Variants in FMN2 observed in about 807,000 individuals in gnomAD.
The protein encoded by FMN2 is formin-2.
Under a neutral mutation model 142.3 loss-of-function variants are expected in FMN2, and 51 were observed. The observed-to-expected ratio is 0.36, with a 90% CI of 0.29 to 0.45. The LOEUF (loss-of-function observed/expected upper bound fraction) is 0.45, where lower values mean the gene tolerates loss of function less well. FMN2 is among the 20% of genes least tolerant of loss of function. The pLI is 1.00. For synonymous variants in FMN2, 882 were observed against 869.8 expected (o/e 1.01, Z -0.25); for missense variants, 1,936 against 2,122.8 (o/e 0.91, Z 1.73).
At chr1:240,439,270 CA>C (rs58234038) in intron 16 of FMN2, among the ~76,000 whole-genome samples, 41 of 101,224 alleles carry the variant, frequency 4.1e-4, no homozygotes, top group Admixed American at 4.2e-4. Context: ...AAGGCTGTCT[CA>C]AAAAAAAAAA....
intron 2 of FMN2, among the ~76,000 whole-genome samples, chr1:240,168,046 G>A (rs1302198226): frequency 6.6e-6 from 1 of 152,172 alleles, no homozygotes; most frequent in Non-Finnish European, 1.5e-5. Context: ...GTGAGACTCT[G>A]TCTCAAAAGA....
chr1:240,314,572 GAATAAATCCTTAATA>G (rs1216739052), intron 8 of FMN2, among the ~76,000 whole-genome samples: 4 of 152,036 alleles, frequency 2.6e-5, no homozygotes, highest in African/African-American at 4.8e-5. Context: ...AATAGCTGGA[GAATAAATCCTTAATA>G]AATGTAAAAA....
chr1:240,346,380 C>G (rs946163636), intron 13 of FMN2, among the ~76,000 whole-genome samples: 2 of 152,082 alleles, frequency 1.3e-5, no homozygotes, highest in African/African-American at 4.8e-5. Flanking sequence ...TGGTATCTCT[C>G]TCTCTCTCCC....
chr1:240,428,289 T>C (rs889269730), intron 15 of FMN2, among the ~76,000 whole-genome samples: 1 of 151,848 alleles, frequency 6.6e-6, no homozygotes, highest in Non-Finnish European at 1.5e-5. Flanking sequence ...GAGAGTACAA[T>C]GGTAAGATCA....
intron 15 of FMN2, among the ~76,000 whole-genome samples, chr1:240,420,023 T>A (rs1346461526): frequency 1.3e-5 from 2 of 152,146 alleles, no homozygotes; most frequent in Non-Finnish European, 2.9e-5. Flanking sequence ...ATGGTAATTG[T>A]GGTACCCGGG....
At chr1:240,233,346 C>G (rs1002269875) in intron 6 of FMN2, among the ~76,000 whole-genome samples, 6 of 151,132 alleles carry the variant, frequency 4.0e-5, no homozygotes, top group African/African-American at 1.5e-4. Flanking sequence ...GATCGCACCA[C>G]TGCACTCCAG....
At chr1:240,416,748 ATC>A (rs1392100950) in intron 15 of FMN2, among the ~76,000 whole-genome samples, 1 of 137,666 alleles carries the variant, frequency 7.3e-6, no homozygotes, top group African/African-American at 2.7e-5. Flanking sequence ...TTTGTTGATT[ATC>A]TCTCTCTTCT....
intron 16 of FMN2, among the ~76,000 whole-genome samples, chr1:240,446,291 A>T (rs998721565): frequency 1.3e-5 from 2 of 152,096 alleles, no homozygotes; most frequent in Admixed American, 6.6e-5. Flanking sequence ...AACTGAAGAA[A>T]CTCTCAGTAG....
chr1:240,166,354 C>T (rs920192578), intron 2 of FMN2, among the ~76,000 whole-genome samples: 5 of 151,792 alleles, frequency 3.3e-5, no homozygotes, highest in South Asian at 2.1e-4. Flanking sequence ...TTGAACCTCC[C>T]GAGTAAGTGA....
At chr1:240,242,601 A>G (rs545263760) in intron 6 of FMN2, among the ~76,000 whole-genome samples, 1 of 152,332 alleles carries the variant, frequency 6.6e-6, no homozygotes, top group Non-Finnish European at 1.5e-5. Flanking sequence ...CTCCAAACTG[A>G]AGTCTAAAAT....
intron 14 of FMN2, among the ~76,000 whole-genome samples, chr1:240,360,136 T>C (rs1672411923): frequency 6.6e-6 from 1 of 152,214 alleles, no homozygotes; most frequent in Non-Finnish European, 1.5e-5. Flanking sequence ...TCCTCAACAA[T>C]GTTACTAGAT....
rs267598445 is a variant in FMN2, at chr1:240,207,207, G to A, written c.2395G>A (p.Asp799Asn). 7.4e-6 allele frequency: 12 copies of A among 1,613,790 alleles called. No homozygotes were observed. Among genetic ancestry groups the A allele is most frequent in the South Asian group, 6.6e-5 (6 of 91,084 alleles). The change falls in exon 5 of 18, where the codon GAC becomes AAC. Residue 799 changes from aspartate to asparagine, a missense_variant. By Grantham distance (23) the Asp-to-Asn change is conservative. Around this residue, in one of 8 missense-constraint regions of FMN2, gnomAD observed 478 missense variants for 462.8 expected, o/e 1.03. Coordinates refer to ENST00000319653, the MANE Select transcript of FMN2 (RefSeq NM_020066.5). ...TCCAAGGCGAATATCAGTCCAGCTC[G>A]ACAGCCATCAGCCCACACAGAGCAT... is the stretch of plus-strand genomic sequence containing the variant. Reference protein sequence around the residue: ...VSPRRISVQLDSHQPTQSISQ... With the variant: ...VSPRRISVQLNSHQPTQSISQ...
chr1:240,368,978 C>G (rs1175616006), intron 14 of FMN2, among the ~76,000 whole-genome samples: 2 of 136,256 alleles, frequency 1.5e-5, no homozygotes, highest in African/African-American at 6.6e-5. Flanking sequence ...TATATAAACA[C>G]AGAGTAAAAT....
chr1:240,219,781 C>T (rs374829083), intron 6 of FMN2, among the ~76,000 whole-genome samples: 9 of 152,054 alleles, frequency 5.9e-5, no homozygotes, highest in African/African-American at 1.9e-4. Flanking sequence ...CAGCCTCCCA[C>T]GTAGCTGGGA....
chr1:240,335,056 G>T (rs1455357625), intron 13 of FMN2, among the ~76,000 whole-genome samples: 1 of 152,182 alleles, frequency 6.6e-6, no homozygotes, highest in Non-Finnish European at 1.5e-5. Flanking sequence ...CAAAGATACT[G>T]ATCTGTAATC....
At chr1:240,170,305 C>T in intron 2 of FMN2, 1 of 1,082,560 alleles carries the variant, frequency 9.2e-7, no homozygotes, top group Non-Finnish European at 1.4e-6. Flanking sequence ...TGCAGTTTGC[C>T]ATACCAATGC....
At position 240,207,392 on chromosome 1, in the gene FMN2, T is replaced by G. The variant is rs762718119; in HGVS notation, c.2580T>G (p.Pro860=). ...KNSCNIPSPP[P]LPCTESSSSM... The stretch of plus-strand genomic sequence containing the variant: ...GCTGTAACATCCCATCTCCACCACC[T>G]CTGCCTTGCACAGAGTCCTCCAGCT... Residue 860 remains proline, a synonymous_variant, in exon 5 of 18, where the codon CCT becomes CCG. Coordinates refer to ENST00000319653, the MANE Select transcript of FMN2 (RefSeq NM_020066.5). 1 of 1,613,800 alleles carries G rather than the reference T, an allele frequency of 6.2e-7. No homozygotes were observed. Among genetic ancestry groups the G allele is most frequent in the Admixed American group, 1.7e-5 (1 of 60,000 alleles).
At chr1:240,281,485 C>T (rs74714433) in intron 7 of FMN2, among the ~76,000 whole-genome samples, 2,224 of 152,062 alleles carry the variant, frequency 0.015, 55 homozygotes, top group African/African-American at 0.052. Flanking sequence ...ATCCTCAGGG[C>T]GGACAAGAGT....
At chr1:240,300,514 C>G (rs1670159288) in intron 8 of FMN2, among the ~76,000 whole-genome samples, 1 of 152,284 alleles carries the variant, frequency 6.6e-6, no homozygotes, top group South Asian at 2.1e-4. Context: ...TTTGTACCCC[C>G]CTCTGATGTT....
Sources: gnomAD v4.1 joint callset for allele counts (sites outside exome capture counted in the v4.1 genomes callset) on GRCh38, gnomAD v4.1.1 for gene constraint, gnomAD v4.1.1 regional missense constraint, MANE v1.5 for transcripts, NCBI Gene and HGNC (gene_info 2026-07-23, HGNC 2026-07-21) for gene names.